Variants in VWA3B observed in about 807,000 individuals in gnomAD.
The protein encoded by VWA3B is von Willebrand factor A domain-containing protein 3B.
VWA3B carries 138 observed loss-of-function variants against 158.3 expected under a neutral mutation model. The ratio of observed to expected loss-of-function variants is 0.87; its 90% confidence interval spans 0.76 to 1.00. The LOEUF (loss-of-function observed/expected upper bound fraction) is 1.00, where lower values mean the gene tolerates loss of function less well. Among genes scored for constraint, VWA3B ranks in the 50% least tolerant of loss-of-function variants. The pLI, the probability that VWA3B is intolerant of heterozygous loss-of-function variation, is 0.00. For synonymous variants in VWA3B, 596 were observed against 587.3 expected (o/e 1.01, Z -0.21); for missense variants, 1,555 against 1,565.1 (o/e 0.99, Z 0.11).
the VWA3B span, among the ~76,000 whole-genome samples, chr2:98,323,179 A>C: frequency 6.6e-6 from 1 of 152,196 alleles, no homozygotes; most frequent in East Asian, 1.9e-4. Flanking sequence ...GCAGACATCA[A>C]AGTAGCTACT....
chr2:98,102,338 C>T (rs112275190), intron 2 of VWA3B, among the ~76,000 whole-genome samples: 3,426 of 152,172 alleles, frequency 0.023, 70 homozygotes, highest in Middle Eastern at 0.068. Context: ...CTTTTCTTTT[C>T]GACAAAACCG....
At chr2:98,230,010 C>A in intron 15 of VWA3B, 40 bp from the exon 16 acceptor site, 1 of 1,528,618 alleles carries the variant, frequency 6.5e-7, no homozygotes, top group Non-Finnish European at 8.7e-7. Flanking sequence ...TTTCTTTTCT[C>A]TCTCTTTTTT....
intron 22 of VWA3B, among the ~76,000 whole-genome samples, chr2:98,272,902 A>G (rs1339302465): frequency 6.6e-6 from 1 of 152,200 alleles, no homozygotes; most frequent in African/African-American, 2.4e-5. Context: ...TCTCTGTTGT[A>G]CACTCTTTCT....
intron 5 of VWA3B, among the ~76,000 whole-genome samples, chr2:98,123,817 G>T (rs1434786695): frequency 2.0e-5 from 3 of 152,162 alleles, no homozygotes; most frequent in Non-Finnish European, 4.4e-5. Context: ...ACGAGGAAGG[G>T]TGGTGTACAG....
chr2:98,241,800 A>G (rs1237716523), intron 19 of VWA3B, among the ~76,000 whole-genome samples: 2 of 152,058 alleles, frequency 1.3e-5, no homozygotes, highest in East Asian at 3.9e-4. Context: ...GTAGGTAGGC[A>G]CTGCACAGCA....
intron 1 of VWA3B, among the ~76,000 whole-genome samples, chr2:98,089,401 G>A (rs945015231): frequency 3.9e-5 from 6 of 152,046 alleles, no homozygotes; most frequent in African/African-American, 9.7e-5. Flanking sequence ...AAGGGGTTTC[G>A]GGGAGGCTTA....
In VWA3B at chr2:98,312,365, G is replaced by A; in HGVS notation, c.*16G>A. On this transcript the variant is annotated 3_prime_UTR_variant, in exon 28 of 28. Transcript: ENST00000477737. ...GACACTTTAAGGCCGTCTGGTGGCA[G>A]CTATGTTTAAGAGACCAGCGTCCTT... 6.3e-6 allele frequency: 10 copies of A among 1,599,322 alleles called. No individual in the cohort carries two copies. Among genetic ancestry groups the A allele is most frequent in the Non-Finnish European group, 7.7e-6 (9 of 1,170,656 alleles).
chr2:98,102,785 T>C (rs1225071170), intron 2 of VWA3B, among the ~76,000 whole-genome samples: 2 of 152,242 alleles, frequency 1.3e-5, no homozygotes, highest in African/African-American at 2.4e-5. Flanking sequence ...ATGGCATTTG[T>C]ACACGATTGG....
intron 7 of VWA3B, among the ~76,000 whole-genome samples, chr2:98,137,062 T>A (rs1467996360): frequency 2.0e-5 from 3 of 152,242 alleles, no homozygotes; most frequent in African/African-American, 7.2e-5. Flanking sequence ...CATGGACTTT[T>A]GGGTTGCTTC....
rs567461972 is a variant in VWA3B, at chr2:98,305,161, G to A, written c.3521+1359G>A. On this transcript the variant is annotated intron_variant, in intron 26 of 27. Transcript: ENST00000477737. ...AGGCTCGTTGCCCCTCTACCTCTCTGGGGTTTATCCCTGCCTGACTTCACT... is the reference window on the plus strand; with the variant it reads ...AGGCTCGTTGCCCCTCTACCTCTCTAGGGTTTATCCCTGCCTGACTTCACT... 4.6e-5 allele frequency among the ~76,000 whole-genome samples: 7 copies of A among 152,176 alleles called. No individual in the cohort carries two copies. In the East Asian group the frequency reaches 1.4e-3, roughly 29 times the overall value.
chr2:98,260,578 G>A (rs1687418148), intron 21 of VWA3B, among the ~76,000 whole-genome samples: 1 of 151,624 alleles, frequency 6.6e-6, no homozygotes, highest in African/African-American at 2.4e-5. Context: ...TTTTATTTAA[G>A]AGGCTTGAGC....
chr2:98,129,224 A>AGAGTGTGTGTGTGTGTGT (rs1370543551), intron 6 of VWA3B, among the ~76,000 whole-genome samples: 5 of 124,656 alleles, frequency 4.0e-5, no homozygotes, highest in South Asian at 2.7e-4. Context: ...AGAGAGAGAG[A>AGAGTGTGTGTGTGTGTGT]GTGTGTGTGT....
intron 5 of VWA3B, among the ~76,000 whole-genome samples, chr2:98,126,311 T>C (rs1675348450): frequency 6.6e-6 from 1 of 152,186 alleles, no homozygotes; most frequent in South Asian, 2.1e-4. Context: ...ATTGGACGTG[T>C]GTGGTGTCAG....
In VWA3B at chr2:98,236,586, G is replaced by A. The variant is rs1415887303; in HGVS notation, c.2529G>A (p.Val843=). The A allele has an allele frequency of 1.9e-6, 3 of 1,614,134 alleles. No individual in the cohort carries two copies. Among genetic ancestry groups the A allele is most frequent in the Admixed American group, 1.7e-5 (1 of 60,020 alleles). The change falls in exon 19 of 28, where the codon GTG becomes GTA. Residue 843 remains valine, a synonymous_variant. Transcript: ENST00000477737. ...CTTGTGTTCTTAGTTCTTCAGATGTGTCTTCAGAAAACTGGCTGAAGACCT... is the reference window on the plus strand; with the variant it reads ...CTTGTGTTCTTAGTTCTTCAGATGTATCTTCAGAAAACTGGCTGAAGACCT... ...SQVYDHDSSD[V]SSENWLKTYG...
chr2:98,134,131 A>T (rs549232478), intron 7 of VWA3B, 192 bp downstream of exon 7: 1 of 607,270 alleles, frequency 1.6e-6, no homozygotes, highest in South Asian at 2.0e-5. Context: ...ATAAGTTTAC[A>T]ATCCAGGGAA....
intron 26 of VWA3B, among the ~76,000 whole-genome samples, chr2:98,304,134 C>A (rs1690367162): frequency 6.6e-6 from 1 of 152,188 alleles, no homozygotes; most frequent in African/African-American, 2.4e-5. Flanking sequence ...ACCTACCTAC[C>A]TCTCCCCTTG....
In VWA3B at chr2:98,220,065, A is replaced by G. The variant is rs115880360; in HGVS notation, c.2019+2037A>G. Among the ~76,000 whole-genome samples, 1,029 of 151,212 alleles carry G rather than the reference A, an allele frequency of 6.8e-3. 10 individuals carry two copies. The highest frequency in any genetic ancestry group is 0.024 in the African/African-American group (980 of 41,196). On this transcript the variant is annotated intron_variant, in intron 14 of 27. Coordinates refer to ENST00000477737, the MANE Select transcript of VWA3B (RefSeq NM_144992.5). ...GTAGTTCTAGCTACTTTGGGGGGCT[A>G]AAGCGGGAGGATCACTTGAACCCGG...
At chr2:98,262,172 C>A (rs1033522540) in intron 21 of VWA3B, among the ~76,000 whole-genome samples, 8 of 151,648 alleles carry the variant, frequency 5.3e-5, no homozygotes, top group African/African-American at 1.9e-4. Flanking sequence ...ATATTCTGGA[C>A]ATTAACCCAT....
chr2:98,104,155 C>T (rs557792808), intron 2 of VWA3B, among the ~76,000 whole-genome samples: 1 of 152,248 alleles, frequency 6.6e-6, no homozygotes, highest in African/African-American at 2.4e-5. Context: ...AATGCAGTTG[C>T]ATATGTCTTA....
Sources: allele counts gnomAD v4.1 joint callset (sites outside exome capture counted in the v4.1 genomes callset), GRCh38; gene constraint gnomAD v4.1.1; transcripts MANE v1.5; gene names NCBI Gene and HGNC (gene_info 2026-07-23, HGNC 2026-07-21).